The following SETBP1 variants were observed in gnomAD, a reference collection of about 807,000 sequenced individuals.
SETBP1 encodes SET binding protein 1, also known as SET-binding protein.
In SETBP1, 9 loss-of-function variants were observed where a neutral mutation model predicts 101.0. The ratio of observed to expected loss-of-function variants is 0.09; its 90% CI spans 0.05 to 0.16. The LOEUF (loss-of-function observed/expected upper bound fraction) is 0.16, where lower values mean the gene tolerates loss of function less well. Ranked by LOEUF, SETBP1 falls within the 10% of genes least tolerant of loss-of-function variation. SETBP1 has a pLI of 1.00. For synonymous variants in SETBP1, 818 were observed against 788.5 expected, an observed-to-expected ratio of 1.04 and a Z score of -0.63; for missense variants, 1,858 against 2,033.8, an observed-to-expected ratio of 0.91 and a Z score of 1.66.
At chr18:44,762,528 C>G (rs1162770626) in intron 2 of SETBP1, among the ~76,000 whole-genome samples, 1 of 152,174 alleles carries the variant, frequency 6.6e-6, no homozygotes, top group East Asian at 1.9e-4. Flanking sequence ...TGACTTGTCT[C>G]TTGTTTACTA....
chr18:44,942,073 A>T (rs906942437), intron 3 of SETBP1, among the ~76,000 whole-genome samples: 2 of 152,142 alleles, frequency 1.3e-5, no homozygotes, highest in Non-Finnish European at 2.9e-5. Flanking sequence ...TTTTGTTCTG[A>T]TAAGCAGTTA....
chr18:44,768,932 C>T (rs2070817794), intron 2 of SETBP1, among the ~76,000 whole-genome samples: 1 of 152,170 alleles, frequency 6.6e-6, no homozygotes, highest in African/African-American at 2.4e-5. Flanking sequence ...TCTGCAACAG[C>T]CCTCTGAAAA....
At chr18:44,768,270 C>A (rs568678018) in intron 2 of SETBP1, among the ~76,000 whole-genome samples, 1 of 152,254 alleles carries the variant, frequency 6.6e-6, no homozygotes, top group South Asian at 2.1e-4. Context: ...ACAAGCTCTG[C>A]TTTTCATTTA....
At chr18:44,980,968 A>T (rs1024549727) in intron 4 of SETBP1, among the ~76,000 whole-genome samples, 1 of 152,220 alleles carries the variant, frequency 6.6e-6, no homozygotes, top group East Asian at 1.9e-4. Context: ...AAAGAATTGC[A>T]TTAAATCAGT....
At chr18:44,815,703 G>A (rs80305876) in intron 2 of SETBP1, among the ~76,000 whole-genome samples, 2,055 of 152,262 alleles carry the variant, frequency 0.013, 29 homozygotes, top group African/African-American at 0.045. Flanking sequence ...AGCTGCTCTC[G>A]TCAACCAACA....
chr18:44,941,074 A>C (rs977703140), intron 3 of SETBP1, among the ~76,000 whole-genome samples: 5 of 142,044 alleles, frequency 3.5e-5, no homozygotes, highest in African/African-American at 1.3e-4. Context: ...ATGAGAAGTC[A>C]GACTTTTTTT....
In SETBP1 at chr18:44,907,811, C is replaced by T. The variant is rs907117371; in HGVS notation, c.540+38528C>T. 5.3e-5 allele frequency among the ~76,000 whole-genome samples: 8 copies of T among 152,286 alleles called. No individual in the cohort carries two copies. In the East Asian group the frequency reaches 1.5e-3, roughly 29 times the overall value. Reference sequence around the variant, plus strand: ...ATTGTATGAGGTGTCTTTTCACTTTCATGCCAGTGACCTTCGAAGCATAAC... The same window carrying T: ...ATTGTATGAGGTGTCTTTTCACTTTTATGCCAGTGACCTTCGAAGCATAAC... On this transcript the variant is annotated intron_variant, in intron 3 of 5. Transcript: ENST00000649279.
rs572939760 is a variant in SETBP1 at position 44,989,166 on chromosome 18, C to A, written c.4000+35826C>A. The stretch of plus-strand genomic sequence containing the variant: ...ACTATATCTGGAAAAATATGAATCC[C>A]CTCAACTACAAGATAAGTAAGCTCA... On this transcript the variant is annotated intron_variant, in intron 4 of 5. Coordinates refer to ENST00000649279, the MANE Select transcript of SETBP1 (RefSeq NM_015559.3). 6.6e-4 allele frequency: 100 copies of A among 152,110 alleles called. 1 individual carries two copies. The highest frequency in any genetic ancestry group is 2.1e-3 in the African/African-American group (88 of 41,496). The allele number at this position is 152,110 out of a possible 1,614,324, so 9.4% of individuals were successfully genotyped here. A position where few individuals can be genotyped will look rare whatever the true frequency, so the allele number is the denominator to read the frequency against.
intron 2 of SETBP1, among the ~76,000 whole-genome samples, chr18:44,818,306 T>G (rs991147210): frequency 6.6e-6 from 1 of 152,174 alleles, no homozygotes; most frequent in East Asian, 1.9e-4. Context: ...TCACCGAACC[T>G]TAAAGAAAGA....
chr18:44,791,721 G>A (rs768397697), intron 2 of SETBP1, among the ~76,000 whole-genome samples: 3 of 123,914 alleles, frequency 2.4e-5, no homozygotes, highest in Non-Finnish European at 5.4e-5. Context: ...CTGTGGGGGC[G>A]AGAGAGAGAG....
intron 4 of SETBP1, among the ~76,000 whole-genome samples, chr18:45,022,743 T>C (rs1218633688): frequency 6.6e-6 from 1 of 152,086 alleles, no homozygotes; most frequent in Admixed American, 6.5e-5. Flanking sequence ...GGCAGGAGCA[T>C]CACTGGAAGC....
At chr18:44,826,100 G>A (rs773733268) in intron 2 of SETBP1, among the ~76,000 whole-genome samples, 1 of 152,226 alleles carries the variant, frequency 6.6e-6, no homozygotes, top group African/African-American at 2.4e-5. Flanking sequence ...ATGTCATGTC[G>A]TCTCTCAAGG....
chr18:44,766,975 A>T (rs79448954), intron 2 of SETBP1, among the ~76,000 whole-genome samples: 6,751 of 152,260 alleles, frequency 0.044, 203 homozygotes, highest in South Asian at 0.1. Context: ...ACTGGAGGGC[A>T]ATCTGTAAGA....
chr18:44,786,260 AT>A (rs1332922756), intron 2 of SETBP1, among the ~76,000 whole-genome samples: 1 of 151,992 alleles, frequency 6.6e-6, no homozygotes, highest in South Asian at 2.1e-4. Context: ...GACATCCTAG[AT>A]TTTTTCCTGT....
At chr18:44,834,138 T>C (rs984770369) in intron 2 of SETBP1, among the ~76,000 whole-genome samples, 1 of 152,178 alleles carries the variant, frequency 6.6e-6, no homozygotes, top group African/African-American at 2.4e-5. Context: ...TAGCATGAGA[T>C]AATGGGTGTG....
intron 4 of SETBP1, among the ~76,000 whole-genome samples, chr18:45,021,260 G>T (rs1480323594): frequency 6.6e-6 from 1 of 152,078 alleles, no homozygotes; most frequent in African/African-American, 2.4e-5. Context: ...TTTAGTTTTG[G>T]GTCTGTATGC....
chr18:45,014,360 G>A (rs151322317), intron 4 of SETBP1, among the ~76,000 whole-genome samples: 1 of 152,364 alleles, frequency 6.6e-6, no homozygotes, highest in East Asian at 1.9e-4. Flanking sequence ...AGCAAAGGAG[G>A]AGGAATCTGT....
rs138045109 is a variant in SETBP1 at position 45,057,693 on chromosome 18, C to T, written c.4172-5386C>T. 5.6e-3 allele frequency among the ~76,000 whole-genome samples: 859 copies of T among 152,302 alleles called. 13 individuals carry two copies. The highest frequency in any genetic ancestry group is 0.02 in the African/African-American group (818 of 41,564). Reference sequence around the variant, plus strand: ...CCTTCCTCAACATCTTTCCACCTCCCCTTAGGAACATTCAAACAGCAAGAA... The same window carrying T: ...CCTTCCTCAACATCTTTCCACCTCCTCTTAGGAACATTCAAACAGCAAGAA... On this transcript the variant is annotated intron_variant, in intron 5 of 5. Transcript: ENST00000649279.
At chr18:44,860,795 T>C (rs954444511) in intron 2 of SETBP1, among the ~76,000 whole-genome samples, 2 of 151,616 alleles carry the variant, frequency 1.3e-5, no homozygotes, top group Non-Finnish European at 2.9e-5. Flanking sequence ...ATTTTCCCCA[T>C]GAGTAACTCA....
Sources: gnomAD v4.1 joint callset for allele counts (sites outside exome capture counted in the v4.1 genomes callset) on GRCh38, gnomAD v4.1.1 for gene constraint, MANE v1.5 for transcripts, NCBI Gene and HGNC (gene_info 2026-07-23, HGNC 2026-07-21) for gene names.